TMSB15B: variants seen among roughly 807,000 people sequenced by gnomAD.
TMSB15B encodes thymosin beta-15B.
intron 1 of TMSB15B, among the ~76,000 whole-genome samples, chrX:103,925,935 G>A (rs1364033876): frequency 1.8e-5 from 2 of 111,857 alleles, no homozygotes; most frequent in Non-Finnish European, 3.8e-5. Flanking sequence ...GAAGACCTTT[G>A]GTAGGAGAGC....
exon 1 of TMSB15B, chrX:103,919,175 G>A (rs1370592703): frequency 8.8e-6 from 1 of 113,325 alleles, no homozygotes; most frequent in African/African-American, 3.2e-5. Context: ...TGGCCCTGAA[G>A]CTACTGCTAG....
chrX:103,955,589 T>C (rs1265451534), intron 1 of TMSB15B, among the ~76,000 whole-genome samples: 1 of 109,789 alleles, frequency 9.1e-6, no homozygotes, highest in Non-Finnish European at 1.9e-5. Context: ...GATAAGAATA[T>C]AGAAAAAAAG....
intron 1 of TMSB15B, among the ~76,000 whole-genome samples, chrX:103,929,390 C>T (rs2074978348): frequency 8.9e-6 from 1 of 111,785 alleles, no homozygotes; most frequent in African/African-American, 3.3e-5. Context: ...AGGTGTCCTC[C>T]AGACCAAACT....
At chrX:103,920,110 C>A (rs1162757597) in intron 1 of TMSB15B, among the ~76,000 whole-genome samples, 1 of 111,765 alleles carries the variant, frequency 8.9e-6, no homozygotes, top group Admixed American at 9.5e-5. Flanking sequence ...AAAAAGCTGC[C>A]CTTTTTATAA....
At chrX:103,955,609 G>A (rs782161389) in intron 1 of TMSB15B, among the ~76,000 whole-genome samples, 7 of 110,888 alleles carry the variant, frequency 6.3e-5, no homozygotes, top group South Asian at 3.8e-4. Context: ...GAATGAAAAC[G>A]AATGAACAAA....
intron 1 of TMSB15B, among the ~76,000 whole-genome samples, chrX:103,953,958 T>G (rs1258255646): frequency 8.9e-6 from 1 of 111,733 alleles, no homozygotes; most frequent in Non-Finnish European, 1.9e-5. Flanking sequence ...AGTTTGTCTC[T>G]GAGGGGTCCG....
Position 103,924,147 on chromosome X carries a change from G to A in TMSB15B, c.-721+4855G>A, listed in dbSNP as rs4113811. 3.6e-5 allele frequency among the ~76,000 whole-genome samples: 4 copies of A among 109,903 alleles called. No homozygotes were observed. The East Asian group carries it at 1.2e-3, about 32-fold the overall frequency. ...GAAGTGACAGAGTGAAATTCAAACCGAGGGCTGGCTGAATCCAGAGCCCAT... is the reference window on the plus strand; with the variant it reads ...GAAGTGACAGAGTGAAATTCAAACCAAGGGCTGGCTGAATCCAGAGCCCAT... On this transcript the variant is annotated intron_variant, in intron 1 of 3. Transcript: ENST00000419165.
chrX:103,939,825 C>A (rs545349440), intron 1 of TMSB15B, among the ~76,000 whole-genome samples: 18 of 111,670 alleles, frequency 1.6e-4, no homozygotes, highest in Middle Eastern at 4.7e-3. Flanking sequence ...TGTTGGTGAC[C>A]TTCGAATTGA....
At chrX:103,952,805 C>T (rs1556328512) in intron 1 of TMSB15B, among the ~76,000 whole-genome samples, 1 of 111,163 alleles carries the variant, frequency 9.0e-6, no homozygotes, top group African/African-American at 3.3e-5. Flanking sequence ...TCTTGTCAAC[C>T]CCAAGGGATG....
At position 103,924,946 on chromosome X, in the gene TMSB15B, T is replaced by C. The variant is rs781910425; in HGVS notation, c.-721+5654T>C. On this transcript the variant is annotated intron_variant, in intron 1 of 3. Transcript: ENST00000419165. ...TATTTATGTTGCACCTTCCCATTCG[T>C]GGAAGAAAGGGCTTCCCTGCCTCCC... Among the ~76,000 whole-genome samples, 5 of 111,932 alleles carry C rather than the reference T, an allele frequency of 4.5e-5. No individual in the cohort carries two copies. The South Asian group carries it at 1.9e-3, about 42-fold the overall frequency.
intron 1 of TMSB15B, among the ~76,000 whole-genome samples, chrX:103,933,079 G>C (rs1290477611): frequency 1.8e-5 from 2 of 111,452 alleles, no homozygotes; most frequent in Non-Finnish European, 3.8e-5. Flanking sequence ...AGACAATTTT[G>C]CTTTTACAAC....
At chrX:103,928,978 C>A (rs2074977215) in intron 1 of TMSB15B, 3 of 1,186,976 alleles carry the variant, frequency 2.5e-6, no homozygotes, top group Non-Finnish European at 3.4e-6. Context: ...TGACTTCCTG[C>A]AGAGGAAGTC....
intron 1 of TMSB15B, among the ~76,000 whole-genome samples, chrX:103,943,114 A>G (rs2075016841): frequency 8.9e-6 from 1 of 111,922 alleles, no homozygotes; most frequent in African/African-American, 3.2e-5. Flanking sequence ...ATGAAAGCTC[A>G]AGACACCTGT....
chrX:103,926,028 G>A (rs2147816780), intron 1 of TMSB15B, among the ~76,000 whole-genome samples: 1 of 111,128 alleles, frequency 9.0e-6, no homozygotes, highest in African/African-American at 3.3e-5. Context: ...AATGGAAGTG[G>A]GGCTGCCAGG....
chrX:103,946,848 C>T (rs1556327488), intron 1 of TMSB15B, among the ~76,000 whole-genome samples: 1 of 111,210 alleles, frequency 9.0e-6, no homozygotes. Context: ...AATCCAAAAA[C>T]ACAAGTTTTA....
At position 103,928,516 on chromosome X, in the gene TMSB15B, G is replaced by A; in HGVS notation, c.-721+9224G>A. On this transcript the variant is annotated intron_variant, in intron 1 of 3. Coordinates refer to the TMSB15B transcript ENST00000419165. The stretch of plus-strand genomic sequence containing the variant: ...CAGCCCCTTTGAAAGGGTGCAAAAT[G>A]TGCTCCAGGATGGTTGCAAGCAAGC... The A allele has an allele frequency of 4.2e-6, 5 of 1,198,643 alleles. No individual in the cohort carries two copies. In the South Asian group the frequency reaches 7.1e-5, roughly 17 times the overall value.
At chrX:103,935,843 G>GTTTTTTTTTT in intron 1 of TMSB15B, among the ~76,000 whole-genome samples, 1 of 80,186 alleles carries the variant, frequency 1.2e-5, no homozygotes, top group East Asian at 4.0e-4. Flanking sequence ...CATAGGAGTT[G>GTTTTTTTTTT]TTTTTTTTTT....
intron 1 of TMSB15B, among the ~76,000 whole-genome samples, chrX:103,946,079 G>A (rs1556327331): frequency 8.9e-6 from 1 of 112,024 alleles, no homozygotes; most frequent in Non-Finnish European, 1.9e-5. Context: ...TCTGTCAGAA[G>A]ACATGAGAAT....
intron 1 of TMSB15B, among the ~76,000 whole-genome samples, chrX:103,955,688 T>C (rs569749144): frequency 6.3e-5 from 7 of 111,265 alleles, no homozygotes; most frequent in African/African-American, 2.3e-4. Context: ...CTGAAAGAGA[T>C]GGGAAGAATG....
Sources: gnomAD v4.1 joint callset for allele counts (sites outside exome capture counted in the v4.1 genomes callset) on GRCh38, gnomAD v4.1.1 for gene constraint, MANE v1.5 for transcripts, NCBI Gene and HGNC (gene_info 2026-07-23, HGNC 2026-07-21) for gene names.